LGI4: variants seen among roughly 807,000 people sequenced by gnomAD.
LGI4 encodes leucine-rich repeat LGI family member 4.
LGI4 carries 36 observed loss-of-function variants against 48.3 expected under a neutral mutation model. That is an observed-to-expected ratio of 0.75 (90% CI 0.57 to 0.98). LGI4 has a LOEUF of 0.98. Ranked by LOEUF, LGI4 falls within the 50% of genes least tolerant of loss-of-function variation. LGI4 has a pLI of 0.00. For missense variants in LGI4, 701 were observed against 732.1 expected, an observed-to-expected ratio of 0.96 and a Z score of 0.49; for synonymous variants, 355 against 331.6, an observed-to-expected ratio of 1.07 and a Z score of -0.77.
Position 35,125,214 on chromosome 19 carries a change from G to A in LGI4, c.1593C>T (p.His531=), listed in dbSNP as rs2065122937. Residue 531 remains histidine, a synonymous_variant, in exon 9 of 9, where the codon CAC becomes CAT. Coordinates refer to ENST00000310123, the MANE Select transcript of LGI4 (RefSeq NM_139284.3). The part of the protein sequence containing the change: ...FKGPTQIYQH[H]EIDLSA ...GGTCTCAGGCACTGAGGTCGATCTC[G>A]TGATGCTGGTAGATCTGTGTGGGGC... The A allele has an allele frequency of 9.1e-6, 14 of 1,533,878 alleles. No homozygotes were observed. The highest frequency in any genetic ancestry group is 1.2e-5 in the South Asian group (1 of 80,456).
intron 3 of LGI4, among the ~76,000 whole-genome samples, chr19:35,132,474 A>G (rs2065182670): frequency 6.9e-6 from 1 of 145,654 alleles, no homozygotes; most frequent in Non-Finnish European, 1.5e-5. Flanking sequence ...CACCCACACC[A>G]CCACATTACC....
Position 35,124,820 on chromosome 19 carries a change from C to G in LGI4, c.*373G>C, listed in dbSNP as rs1464761231. 1 of 184,996 alleles carries G rather than the reference C, an allele frequency of 5.4e-6. No individual in the cohort carries two copies. The highest frequency in any genetic ancestry group is 2.3e-5 in the African/African-American group (1 of 42,808). 11.5% of individuals were successfully genotyped at this position (184,996 alleles called of 1,614,324 possible). ...CCCTCGGTGCTTTCAGAGGGACCAG[C>G]GGGGTAGGAGCGGGTTGAGAGGGGG... On this transcript the variant is annotated 3_prime_UTR_variant, in exon 9 of 9. Transcript: ENST00000310123.
Position 35,124,768 on chromosome 19 carries a change from T to C in LGI4, c.*425A>G, listed in dbSNP as rs1255088943. The C allele has an allele frequency of 6.3e-6, 1 of 158,134 alleles. No homozygotes were observed. Among genetic ancestry groups the C allele is most frequent in the Non-Finnish European group, 1.4e-5 (1 of 72,332 alleles). The allele number at this position is 158,134 out of a possible 1,614,324, so 9.8% of individuals were successfully genotyped here. ...AGGAAAGCGATTGGCTGCGTGGAGT[T>C]TAGAATGGGAAAGGAATGCCATCAA... On this transcript the variant is annotated 3_prime_UTR_variant, in exon 9 of 9. Coordinates refer to ENST00000310123, the MANE Select transcript of LGI4 (RefSeq NM_139284.3).
rs1462545946 is a variant in LGI4, at chr19:35,134,562, C to T, written c.119G>A (p.Cys40Tyr). 2 of 1,585,258 alleles carry T rather than the reference C, an allele frequency of 1.3e-6. No individual in the cohort carries two copies. The highest frequency in any genetic ancestry group is 2.3e-5 in the South Asian group (2 of 86,570). ...RCSCSKDSAL[C>Y]EGSPDLPVSF... ...GACGGGCAGGTCCGGGGAGCCCTCACACAGGGCGCTGTCTTTAGAGCAGGA... is the reference window on the plus strand; with the variant it reads ...GACGGGCAGGTCCGGGGAGCCCTCATACAGGGCGCTGTCTTTAGAGCAGGA... Residue 40 changes from cysteine to tyrosine, a missense_variant, in exon 1 of 9, where the codon TGT (cysteine) becomes TAT (tyrosine). Around this residue, in one of 3 missense-constraint regions of LGI4, gnomAD observed 462 missense variants for 436.4 expected, o/e 1.06. Transcript: ENST00000310123.
intron 6 of LGI4, among the ~76,000 whole-genome samples, chr19:35,130,358 G>GATA (rs1202765242): frequency 2.6e-5 from 4 of 152,124 alleles, no homozygotes; most frequent in Non-Finnish European, 5.9e-5. Context: ...TATTGTTATA[G>GATA]ATAATAATAA....
chr19:35,127,392 G>T (rs1322724726), intron 6 of LGI4, among the ~76,000 whole-genome samples: 4 of 152,092 alleles, frequency 2.6e-5, no homozygotes, highest in Non-Finnish European at 5.9e-5. Flanking sequence ...TGTTGCCCAG[G>T]TTGGTCTGGA....
intron 6 of LGI4, chr19:35,131,034 T>A (rs1031466359): frequency 5.5e-5 from 32 of 576,952 alleles, no homozygotes; most frequent in Middle Eastern, 4.6e-4. Context: ...GTAAAGGAGG[T>A]GACATTGCAC....
At chr19:35,126,246 C>G in intron 8 of LGI4, 24 bp downstream of exon 8, 1 of 1,606,092 alleles carries the variant, frequency 6.2e-7, no homozygotes, top group Non-Finnish European at 8.5e-7. Context: ...AAAGCCAGCC[C>G]CCCGCCCCCA....
At chr19:35,125,635 C>T in intron 8 of LGI4, 128 bp from the exon 9 acceptor site, 1 of 849,308 alleles carries the variant, frequency 1.2e-6, no homozygotes, top group Non-Finnish European at 1.9e-6. Flanking sequence ...AAGTCACCAC[C>T]CACCTGTTCG....
intron 6 of LGI4, among the ~76,000 whole-genome samples, chr19:35,127,807 C>T (rs540340996): frequency 6.6e-6 from 1 of 152,236 alleles, no homozygotes; most frequent in Non-Finnish European, 1.5e-5. Context: ...ATTTCCCCTT[C>T]GCAGATGAGA....
intron 6 of LGI4, among the ~76,000 whole-genome samples, chr19:35,128,040 C>G (rs2065151778): frequency 6.6e-6 from 1 of 152,200 alleles, no homozygotes; most frequent in Non-Finnish European, 1.5e-5. Flanking sequence ...AGCCACCACA[C>G]CTGGAAACAG....
rs2065124261 is a variant in LGI4, at chr19:35,125,330, C to G, written c.1477G>C (p.Glu493Gln). 2 of 1,612,754 alleles carry G rather than the reference C, an allele frequency of 1.2e-6. No individual in the cohort carries two copies. Among genetic ancestry groups the G allele is most frequent in the Non-Finnish European group, 1.7e-6 (2 of 1,179,132 alleles). The change falls in exon 9 of 9, where the codon GAG becomes CAG. Residue 493 changes from glutamate to glutamine, a missense_variant. Physicochemically the swap from Glu to Gln is conservative, Grantham distance 29 (BLOSUM62 2). This residue lies in a region of LGI4 where 223 missense variants were observed against 263.3 expected (regional missense o/e 0.85). Coordinates refer to ENST00000310123, the MANE Select transcript of LGI4 (RefSeq NM_139284.3). ...PDKGLLEPLQELGPPALVAPR... is the reference protein window; with the variant it reads ...PDKGLLEPLQQLGPPALVAPR... Reference sequence around the variant, plus strand: ...GCCACCAGGGCCGGAGGCCCCAGCTCCTGCAGTGGCTCCAGGAGCCCCTTG... The same window carrying G: ...GCCACCAGGGCCGGAGGCCCCAGCTGCTGCAGTGGCTCCAGGAGCCCCTTG...
rs774627994 is a variant in LGI4 at position 35,126,726 on chromosome 19, G to A, written c.843C>T (p.Phe281=). 184 of 1,540,792 alleles carry A rather than the reference G, an allele frequency of 1.2e-4. No individual in the cohort carries two copies. In the Middle Eastern group the frequency reaches 1.4e-3, roughly 11 times the overall value. The change falls in exon 8 of 9, where the codon TTC becomes TTT. Residue 281 remains phenylalanine (F), a synonymous_variant. Transcript: ENST00000310123. ...CCCCCCACAGGCGGGCAGCCAGCAC[G>A]AAGAGGCTCGGGCCCAGCACCAGTG... is the stretch of plus-strand genomic sequence containing the variant. The part of the protein sequence containing the change: ...CKPLVLGPSL[F]VLAARLWGGS...
Position 35,125,055 on chromosome 19 carries a change from T to A in LGI4, c.*138A>T, listed in dbSNP as rs941931212. 1.4e-5 allele frequency: 9 copies of A among 661,036 alleles called. No homozygotes were observed. The Admixed American group carries it at 1.9e-4, about 14-fold the overall frequency. The allele number at this position is 661,036 out of a possible 1,614,324, so 40.9% of individuals were successfully genotyped here. ...GGTGCAGATCCTTTAAGAAGTGGGC[T>A]TAAGGCCTAGACGTGTGGCTGATGA... On this transcript the variant is annotated 3_prime_UTR_variant, in exon 9 of 9. Transcript: ENST00000310123.
intron 3 of LGI4, 58 bp from the exon 4 acceptor site, chr19:35,132,100 A>G: frequency 2.2e-6 from 3 of 1,378,758 alleles, no homozygotes; most frequent in Middle Eastern, 1.8e-4. Flanking sequence ...AACGCACCCC[A>G]TGAAAGACAT....
At position 35,124,935 on chromosome 19, in the gene LGI4, G is replaced by A. The variant is rs1295506516; in HGVS notation, c.*258C>T. ...GCACCCCCCAGGTTGCCTTTGATGGGGAATCTGCCCCAGCCGAGATGTCCA... is the reference window on the plus strand; with the variant it reads ...GCACCCCCCAGGTTGCCTTTGATGGAGAATCTGCCCCAGCCGAGATGTCCA... On this transcript the variant is annotated 3_prime_UTR_variant, in exon 9 of 9. Transcript: ENST00000310123. 1 of 356,056 alleles carries A rather than the reference G, an allele frequency of 2.8e-6. No individual in the cohort carries two copies. The highest frequency in any genetic ancestry group is 2.1e-5 in the African/African-American group (1 of 48,024). 22.1% of individuals were successfully genotyped at this position (356,056 alleles called of 1,614,324 possible).
intron 6 of LGI4, among the ~76,000 whole-genome samples, chr19:35,130,205 C>T (rs745412763): frequency 1.4e-4 from 21 of 152,174 alleles, no homozygotes; most frequent in Admixed American, 4.6e-4. Context: ...AGTGCCGGCG[C>T]GGGTCCTCAC....
At position 35,125,210 on chromosome 19, in the gene LGI4, T is replaced by G; in HGVS notation, c.1597A>C (p.Ile533Leu). The G allele has an allele frequency of 6.5e-7, 1 of 1,529,420 alleles. No homozygotes were observed. Among genetic ancestry groups the G allele is most frequent in the African/African-American group, 1.4e-5 (1 of 72,262 alleles). 94.7% of individuals were successfully genotyped at this position (1,529,420 alleles called of 1,614,324 possible). A position where few individuals can be genotyped will look rare whatever the true frequency, so the allele number is the denominator to read the frequency against. Reference protein sequence around the residue: ...GPTQIYQHHEIDLSA With the variant: ...GPTQIYQHHELDLSA Reference sequence around the variant, plus strand: ...TGGTGGTCTCAGGCACTGAGGTCGATCTCGTGATGCTGGTAGATCTGTGTG... The same window carrying G: ...TGGTGGTCTCAGGCACTGAGGTCGAGCTCGTGATGCTGGTAGATCTGTGTG... The change falls in exon 9 of 9, where the codon ATC becomes CTC. Residue 533 changes from isoleucine to leucine, a missense_variant. Coordinates refer to ENST00000310123, the MANE Select transcript of LGI4 (RefSeq NM_139284.3).
At position 35,131,383 on chromosome 19, in the gene LGI4, C is replaced by G. The variant is rs922002298; in HGVS notation, c.628+3G>C. The G allele has an allele frequency of 2.6e-6, 4 of 1,549,586 alleles. No individual in the cohort carries two copies. Among genetic ancestry groups the G allele is most frequent in the Non-Finnish European group, 3.5e-6 (4 of 1,145,976 alleles). ...CTCCCACCCCATCGGGAAAGCCCCC[C>G]ACCTATGGCTCTGCACTTGAAAGTC... On this transcript the variant is annotated splice_donor_region_variant and intron_variant, in intron 6 of 8. Coordinates refer to ENST00000310123, the MANE Select transcript of LGI4 (RefSeq NM_139284.3).
Sources: allele counts gnomAD v4.1 joint callset (sites outside exome capture counted in the v4.1 genomes callset), GRCh38; gene constraint gnomAD v4.1.1; regional missense constraint gnomAD v4.1.1; transcripts MANE v1.5; gene names NCBI Gene and HGNC (gene_info 2026-07-23, HGNC 2026-07-21).